Variants in KIAA1210 observed in about 807,000 individuals in gnomAD.
The protein encoded by KIAA1210 is acrosomal protein KIAA1210.
A neutral mutation model predicts 78.9 loss-of-function variants in KIAA1210; 48 were observed. The ratio of observed to expected loss-of-function variants is 0.61; its 90% confidence interval spans 0.48 to 0.77. The LOEUF is 0.77. KIAA1210 is among the 30% of genes least tolerant of loss of function. KIAA1210 has a pLI of 0.00. For missense variants in KIAA1210, 1,108 were observed against 1,100.0 expected, an observed-to-expected ratio of 1.01 and a Z score of -0.10; for synonymous variants, 406 against 404.5, an observed-to-expected ratio of 1.00 and a Z score of -0.04.
chrX:119,139,267 T>C (rs1279071308), intron 2 of KIAA1210, among the ~76,000 whole-genome samples: 1 of 111,222 alleles, frequency 9.0e-6, no homozygotes, highest in Non-Finnish European at 1.9e-5. Flanking sequence ...GTAAATCACC[T>C]TGGGTACAGG....
chrX:119,113,291 C>CA (rs1472686543), intron 3 of KIAA1210, among the ~76,000 whole-genome samples: 1 of 111,202 alleles, frequency 9.0e-6, no homozygotes, highest in Non-Finnish European at 1.9e-5. Flanking sequence ...TGTGGATTTA[C>CA]AAAAAACGTT....
intron 2 of KIAA1210, among the ~76,000 whole-genome samples, chrX:119,141,776 A>G (rs1323887801): frequency 8.9e-6 from 1 of 112,079 alleles, no homozygotes; most frequent in Non-Finnish European, 1.9e-5. Flanking sequence ...GCCTAAGGTA[A>G]GTCATATAAT....
chrX:119,092,521 G>A (rs1411317514), intron 8 of KIAA1210, among the ~76,000 whole-genome samples: 1 of 111,586 alleles, frequency 9.0e-6, no homozygotes, highest in East Asian at 2.8e-4. Flanking sequence ...CAGCACTTTG[G>A]GAGGCCAAGG....
chrX:119,092,688 G>C (rs1323617735), intron 8 of KIAA1210, among the ~76,000 whole-genome samples: 3 of 109,435 alleles, frequency 2.7e-5, no homozygotes, highest in Non-Finnish European at 5.7e-5. Flanking sequence ...TTGAACTAGG[G>C]AGGTGGAGGT....
intron 1 of KIAA1210, 36 bp from the exon 2 acceptor site, chrX:119,123,688 A>G (rs1447620440): frequency 1.1e-6 from 1 of 937,891 alleles, no homozygotes; most frequent in African/African-American, 1.9e-5. Flanking sequence ...GCAAAATATC[A>G]TCATTTGATA....
At chrX:119,125,298 T>TATCA (rs1469904622) in intron 1 of KIAA1210, among the ~76,000 whole-genome samples, 1 of 111,225 alleles carries the variant, frequency 9.0e-6, no homozygotes. Context: ...TGGCAATACC[T>TATCA]ATCAAAATTT....
chrX:119,109,995 A>G, intron 3 of KIAA1210, among the ~76,000 whole-genome samples: 1 of 112,117 alleles, frequency 8.9e-6, no homozygotes, highest in Non-Finnish European at 1.9e-5. Flanking sequence ...GGCTAAAGAC[A>G]TGAAAGACTC....
At chrX:119,099,021 T>C (rs1167236465) in intron 6 of KIAA1210, among the ~76,000 whole-genome samples, 2 of 112,011 alleles carry the variant, frequency 1.8e-5, no homozygotes, top group Non-Finnish European at 3.8e-5. Context: ...AGTTATTCTT[T>C]CTGAGGCCTC....
chrX:119,087,591 C>G lies in KIAA1210; in HGVS notation c.3111G>C (p.Arg1037Ser). 1 of 1,210,707 alleles carries G rather than the reference C, an allele frequency of 8.3e-7. No homozygotes were observed. The change falls in exon 9 of 12, where the codon AGG becomes AGC. Residue 1037 changes from arginine (R) to serine (S), a missense_variant. Physicochemically the swap from Arg to Ser is moderately radical, Grantham distance 110. Coordinates refer to ENST00000691062, the MANE Select transcript of KIAA1210 (RefSeq NM_001394962.1). Reference protein sequence around the residue: ...QIFSESSALKRGSDVAPLPPN... With the variant: ...QIFSESSALKSGSDVAPLPPN... The stretch of plus-strand genomic sequence containing the variant: ...GAGGCAGAGGTGCCACATCACTGCC[C>G]CTCTTAAGAGCAGAGCTCTCTGAAA...
Position 119,096,690 on chromosome X carries a change from C to T in KIAA1210, c.650G>A (p.Ser217Asn), listed in dbSNP as rs182311514. 3,265 of 1,187,633 alleles carry T rather than the reference C, an allele frequency of 2.7e-3. 9 individuals carry two copies. Among genetic ancestry groups the T allele is most frequent in the South Asian group, 9.8e-3 (525 of 53,547 alleles). ...AGGTCCAGATGATAACTCAGAGAAG[C>T]TCTGGGGAAGGTGGGAGAAAATAGA... ...LPHKSLTATQ[S>N]FSELSSGPDC... Residue 217 changes from serine (S) to asparagine (N), a missense_variant and splice_region_variant, in exon 7 of 12, where the codon AGC becomes AAC. Ser to Asn is a conservative substitution (Grantham distance 46). Coordinates refer to ENST00000691062, the MANE Select transcript of KIAA1210 (RefSeq NM_001394962.1).
In KIAA1210 at chrX:119,085,395, C is replaced by G. The variant is rs777751785; in HGVS notation, c.4308G>C (p.Glu1436Asp). The G allele has an allele frequency of 9.1e-6, 11 of 1,209,142 alleles. No homozygotes were observed. In the East Asian group the frequency reaches 3.0e-4, roughly 33 times the overall value. ...CCCCAGGTCCTACCTCATATTTAGG[C>G]TCCTTAGTCTCAGCATCGGCTCCAG... Reference protein sequence around the residue: ...SNAGADAETKEPKYEGAGSAN... With the variant: ...SNAGADAETKDPKYEGAGSAN... Residue 1436 changes from glutamate (E) to aspartate (D), a missense_variant, in exon 10 of 12, where the codon GAG (glutamate) becomes GAC (aspartate). Coordinates refer to ENST00000691062, the MANE Select transcript of KIAA1210 (RefSeq NM_001394962.1).
rs772987230 is a variant in KIAA1210 at position 119,081,125 on chromosome X, G to A, written c.*204C>T. ...AAAAATACGAAAACAAAATTAGCCG[G>A]GCGTGATGGCGGGCGCCTGTAGTCC... On this transcript the variant is annotated 3_prime_UTR_variant, in exon 12 of 12. Transcript: ENST00000691062. 2.0e-3 allele frequency: 561 copies of A among 287,390 alleles called. 4 individuals are homozygous for A. The highest frequency in any genetic ancestry group is 0.014 in the African/African-American group (480 of 35,554). 23.7% of individuals were successfully genotyped at this position (287,390 alleles called of 1,213,427 possible).
chrX:119,079,140 G>A lies in KIAA1210; in HGVS notation c.*2189C>T, dbSNP rs1028234781. On this transcript the variant is annotated 3_prime_UTR_variant, in exon 12 of 12. Transcript: ENST00000691062. ...AAAATGCAAAATTTAGCATGTAATT[G>A]TACTGTGTCACATTATACCAGCATC... 1.8e-5 allele frequency: 2 copies of A among 112,506 alleles called. No homozygotes were observed. The highest frequency in any genetic ancestry group is 6.5e-5 in the African/African-American group (2 of 30,956). The allele number at this position is 112,506 out of a possible 1,213,427, so 9.3% of individuals were successfully genotyped here. A position where few individuals can be genotyped will look rare whatever the true frequency, so the allele number is the denominator to read the frequency against.
chrX:119,091,778 G>A (rs1333668322), intron 8 of KIAA1210, among the ~76,000 whole-genome samples: 8 of 112,002 alleles, frequency 7.1e-5, no homozygotes. Context: ...ATGAAATAAT[G>A]TCTTTTGTAG....
rs1926870745 is a variant in KIAA1210, at chrX:119,079,456, A to G, written c.*1873T>C. ...GGATGGAATGAAGAGAAAGACAGAG[A>G]AAGGAAGATTTAACTAACTTCTAGT... On this transcript the variant is annotated 3_prime_UTR_variant, in exon 12 of 12. Transcript: ENST00000691062. The G allele has an allele frequency of 8.9e-6, 1 of 111,911 alleles. No homozygotes were observed. The highest frequency in any genetic ancestry group is 3.3e-5 in the African/African-American group (1 of 30,762). The allele number at this position is 111,911 out of a possible 1,213,427, so 9.2% of individuals were successfully genotyped here. A position where few individuals can be genotyped will look rare whatever the true frequency, so the allele number is the denominator to read the frequency against.
intron 1 of KIAA1210, among the ~76,000 whole-genome samples, chrX:119,124,827 C>T (rs1435826266): frequency 3.7e-5 from 4 of 108,561 alleles, no homozygotes; most frequent in Non-Finnish European, 5.7e-5. Context: ...AGATTGAGGC[C>T]GTAGTCAGCC....
Position 119,089,129 on chromosome X carries a change from G to A in KIAA1210, c.1573C>T (p.Gln525Ter). 8.3e-7 allele frequency: 1 copy of A among 1,211,514 alleles called. No individual in the cohort carries two copies. Among genetic ancestry groups the A allele is most frequent in the Non-Finnish European group, 1.1e-6 (1 of 895,194 alleles). ...CTGAAAGCTTCTTGATCTTCTAACT[G>A]GATATGAGAAGGATTCATAAACACC... ...AQVFMNPSHI[Q>*]LEDQEAFSFD... Residue 525 changes from glutamine (Q) to a stop codon, truncating the protein, a stop_gained, in exon 9 of 12, where the codon CAG becomes TAG. Transcript: ENST00000691062. LOFTEE classifies it high-confidence loss of function.
intron 6 of KIAA1210, among the ~76,000 whole-genome samples, chrX:119,102,969 CT>C (rs1229336443): frequency 8.0e-5 from 9 of 112,097 alleles, no homozygotes; most frequent in Non-Finnish European, 1.7e-4. Flanking sequence ...CCTCTACCCC[CT>C]CTCACATGTA....
chrX:119,083,450 A>G (rs1024429325), intron 10 of KIAA1210, among the ~76,000 whole-genome samples: 3 of 112,301 alleles, frequency 2.7e-5, no homozygotes, highest in South Asian at 3.7e-4. Context: ...TTAGCACTTT[A>G]CCAGCACTTA....
Sources: gnomAD v4.1 joint callset for allele counts (sites outside exome capture counted in the v4.1 genomes callset) on GRCh38, gnomAD v4.1.1 for gene constraint, MANE v1.5 for transcripts, NCBI Gene and HGNC (gene_info 2026-07-23, HGNC 2026-07-21) for gene names.